The following IFT122 variants were observed in gnomAD, a reference collection of about 807,000 sequenced individuals.
IFT122 encodes intraflagellar transport 122.
Under a neutral mutation model 161.6 loss-of-function variants are expected in IFT122, and 118 were observed. The ratio of observed to expected loss-of-function variants is 0.73; its 90% CI spans 0.63 to 0.85. The LOEUF (loss-of-function observed/expected upper bound fraction) is 0.85, where lower values mean the gene tolerates loss of function less well. Ranked by LOEUF, IFT122 falls within the 40% of genes least tolerant of loss-of-function variation. IFT122 has a pLI of 0.00. For missense variants in IFT122, 1,381 were observed against 1,579.6 expected (o/e 0.87, Z 2.13); for synonymous variants, 550 against 602.4 (o/e 0.91, Z 1.27).
intron 7 of IFT122, 23 bp from the exon 8 acceptor site, chr3:129,466,867 G>A: frequency 6.2e-7 from 1 of 1,609,590 alleles, no homozygotes; most frequent in South Asian, 1.1e-5. Context: ...ATGTAATTTT[G>A]AACAACTACT....
At chr3:129,477,993 C>A (rs186404718) in intron 11 of IFT122, 23 bp from the exon 12 acceptor site, 486 of 1,601,568 alleles carry the variant, frequency 3.0e-4, no homozygotes, top group Non-Finnish European at 5.0e-5. Context: ...CTTGCTAGAA[C>A]TAGATATTTT....
chr3:129,482,391 G>A (rs1402987145), intron 14 of IFT122, among the ~76,000 whole-genome samples: 1 of 152,180 alleles, frequency 6.6e-6, no homozygotes, highest in Non-Finnish European at 1.5e-5. Flanking sequence ...AGGTGGTCAG[G>A]ACTGGTTTTC....
intron 3 of IFT122, chr3:129,456,089 A>G (rs1189900677): frequency 4.2e-6 from 2 of 471,444 alleles, no homozygotes; most frequent in South Asian, 3.1e-5. Flanking sequence ...GTAAATACTA[A>G]CATTGTATCC....
chr3:129,457,850 CTCA>C lies in IFT122; in HGVS notation c.194-748_194-746del, dbSNP rs2075713724. On this transcript the variant is annotated intron_variant, in intron 3 of 29. Coordinates refer to ENST00000348417, the MANE Select transcript of IFT122 (RefSeq NM_052989.3). ...TCCTGGGTTCACTCCATTTTCCCAC[CTCA>C]GCCTCCAGAGTAGCTGGGACTACAG... 3 of 154,830 alleles carry C rather than the reference CTCA, an allele frequency of 1.9e-5. No homozygotes were observed. The Admixed American group carries it at 2.0e-4, about 10-fold the overall frequency. The allele number at this position is 154,830 out of a possible 1,614,324, so 9.6% of individuals were successfully genotyped here.
chr3:129,488,154 T>C, intron 15 of IFT122, 103 bp from the exon 16 acceptor site: 3 of 1,599,174 alleles, frequency 1.9e-6, no homozygotes, highest in Middle Eastern at 1.7e-4. Flanking sequence ...TCCCCAGGCA[T>C]GGGTAATCAT....
intron 19 of IFT122, among the ~76,000 whole-genome samples, chr3:129,500,781 A>C (rs1001717263): frequency 6.6e-6 from 1 of 152,146 alleles, no homozygotes; most frequent in African/African-American, 2.4e-5. Flanking sequence ...GGTTGGGGGA[A>C]GTGGGCTGGC....
At chr3:129,484,539 G>A (rs2079055904) in intron 15 of IFT122, among the ~76,000 whole-genome samples, 1 of 152,166 alleles carries the variant, frequency 6.6e-6, no homozygotes, top group Non-Finnish European at 1.5e-5. Flanking sequence ...TGACTTTTAT[G>A]TGTATACGTA....
At chr3:129,449,290 A>C (rs1025966622) in intron 1 of IFT122, among the ~76,000 whole-genome samples, 4 of 152,232 alleles carry the variant, frequency 2.6e-5, no homozygotes, top group African/African-American at 9.6e-5. Flanking sequence ...ATAAGAAAGC[A>C]AAAAATGCTG....
intron 25 of IFT122, 93 bp from the exon 26 acceptor site, chr3:129,515,394 TG>T: frequency 9.4e-7 from 1 of 1,060,212 alleles, no homozygotes; most frequent in Non-Finnish European, 1.4e-6. Flanking sequence ...CCTTTCCTCT[TG>T]GCAGCCAGGC....
At chr3:129,510,674 C>T (rs1340548319) in intron 23 of IFT122, among the ~76,000 whole-genome samples, 9 of 152,272 alleles carry the variant, frequency 5.9e-5, no homozygotes, top group Middle Eastern at 6.8e-3. Context: ...GCTGAGGGCT[C>T]CTGTCTCTAA....
At chr3:129,456,340 T>C in intron 3 of IFT122, 1 of 1,122,358 alleles carries the variant, frequency 8.9e-7, no homozygotes, top group South Asian at 1.6e-5. Context: ...CTATTTCAGC[T>C]ACTGTAAAAG....
At chr3:129,472,647 A>G (rs1279649211) in intron 9 of IFT122, among the ~76,000 whole-genome samples, 1 of 152,222 alleles carries the variant, frequency 6.6e-6, no homozygotes, top group Non-Finnish European at 1.5e-5. Context: ...CATTTTGGCC[A>G]TGATTTCTTG....
chr3:129,476,312 C>T lies in IFT122; in HGVS notation c.817-3C>T, dbSNP rs1316687816. On this transcript the variant is annotated splice_region_variant and splice_polypyrimidine_tract_variant and intron_variant, in intron 9 of 29. Transcript: ENST00000348417. ...TCCCTTGCTGTGTGTTCTTTTTCCT[C>T]AGATTGGAAAGGATCGGGCACTGAA... The T allele has an allele frequency of 1.2e-6, 2 of 1,614,134 alleles. No homozygotes were observed. Among genetic ancestry groups the T allele is most frequent in the Non-Finnish European group, 8.5e-7 (1 of 1,180,028 alleles).
intron 23 of IFT122, 40 bp downstream of exon 23, chr3:129,507,802 C>T (rs776148104): frequency 8.8e-6 from 13 of 1,478,846 alleles, no homozygotes; most frequent in Non-Finnish European, 1.2e-5. Flanking sequence ...GGTACCATCT[C>T]CTGAGCTAGG....
At chr3:129,503,029 C>T in intron 20 of IFT122, 147 bp downstream of exon 20, 1 of 701,224 alleles carries the variant, frequency 1.4e-6, no homozygotes, top group East Asian at 2.7e-5. Flanking sequence ...GGTAACTTAA[C>T]CTCGAATTCT....
intron 18 of IFT122, among the ~76,000 whole-genome samples, chr3:129,496,222 C>T (rs2080824065): frequency 6.6e-6 from 1 of 152,002 alleles, no homozygotes; most frequent in Admixed American, 6.6e-5. Context: ...GAACCTTACT[C>T]CCCAGCAGAG....
chr3:129,514,083 G>A (rs1296403669), intron 24 of IFT122: 7 of 436,590 alleles, frequency 1.6e-5, no homozygotes, highest in Admixed American at 3.1e-5. Flanking sequence ...GTTTGGTGAG[G>A]CAGGAAGAGC....
In IFT122 at chr3:129,506,823, A is replaced by G. The variant is rs142360341; in HGVS notation, c.2791+274A>G. ...TCTCTCCCCTGCTACCTGGGAGCCC[A>G]TAGCTGGACCTGGGTGAGCACTGGG... is the stretch of plus-strand genomic sequence containing the variant. On this transcript the variant is annotated intron_variant, in intron 22 of 29. Coordinates refer to ENST00000348417, the MANE Select transcript of IFT122 (RefSeq NM_052989.3). 8.9e-3 allele frequency among the ~76,000 whole-genome samples: 1,358 copies of G among 152,348 alleles called. 8 individuals carry two copies. Among genetic ancestry groups the G allele is most frequent in the South Asian group, 0.029 (141 of 4,822 alleles).
intron 24 of IFT122, chr3:129,513,139 C>T (rs1486645375): frequency 6.5e-6 from 1 of 154,294 alleles, no homozygotes; most frequent in Non-Finnish European, 1.4e-5. Context: ...TTGGGTTTTC[C>T]TCTCTTCTGT....
Sources: gnomAD v4.1 joint callset for allele counts (sites outside exome capture counted in the v4.1 genomes callset) on GRCh38, gnomAD v4.1.1 for gene constraint, MANE v1.5 for transcripts, NCBI Gene and HGNC (gene_info 2026-07-23, HGNC 2026-07-21) for gene names.